Variants in SUSD1 observed in about 807,000 individuals in gnomAD.
SUSD1 encodes sushi domain containing 1.
In SUSD1, 65 loss-of-function variants were observed where a neutral mutation model predicts 86.9. The observed-to-expected ratio is 0.75, with a 90% confidence interval of 0.61 to 0.92. SUSD1 has a LOEUF of 0.92. SUSD1 is among the 40% of genes least tolerant of loss of function. The pLI, the probability that SUSD1 is intolerant of heterozygous loss-of-function variation, is 0.00. For missense variants in SUSD1, 850 were observed against 929.7 expected (o/e 0.91, Z 1.11); for synonymous variants, 346 against 350.0 (o/e 0.99, Z 0.13).
intron 10 of SUSD1, among the ~76,000 whole-genome samples, chr9:112,094,668 G>A (rs1476613429): frequency 6.6e-6 from 1 of 152,192 alleles, no homozygotes; most frequent in Non-Finnish European, 1.5e-5. Context: ...AGATTAGGAG[G>A]AATGAAACAA....
At chr9:112,149,609 C>G (rs982546291) in intron 2 of SUSD1, among the ~76,000 whole-genome samples, 4 of 152,160 alleles carry the variant, frequency 2.6e-5, no homozygotes, top group Admixed American at 1.3e-4. Context: ...TGTATGAAAC[C>G]CCAAGAGAAA....
intron 1 of SUSD1, among the ~76,000 whole-genome samples, chr9:112,163,282 A>G (rs1052505020): frequency 6.6e-6 from 1 of 151,882 alleles, no homozygotes; most frequent in Non-Finnish European, 1.5e-5. Flanking sequence ...CAGCCTCCAG[A>G]GTAGTTAGGA....
chr9:112,167,202 G>A (rs1201236060), intron 1 of SUSD1, among the ~76,000 whole-genome samples: 1 of 152,000 alleles, frequency 6.6e-6, no homozygotes, highest in East Asian at 1.9e-4. Context: ...GCTCAGGCGA[G>A]TCTCCCACCT....
At chr9:112,065,924 C>T (rs558442211) in intron 12 of SUSD1, among the ~76,000 whole-genome samples, 41 of 152,348 alleles carry the variant, frequency 2.7e-4, no homozygotes, top group Non-Finnish European at 3.8e-4. Context: ...TGTATGATAT[C>T]ACTTGAGCTA....
At chr9:112,110,317 C>G (rs1030386672) in intron 8 of SUSD1, among the ~76,000 whole-genome samples, 1 of 152,230 alleles carries the variant, frequency 6.6e-6, no homozygotes, top group African/African-American at 2.4e-5. Context: ...CCACTGCACT[C>G]CAGCCTGGGC....
At chr9:112,166,363 C>T (rs1312748651) in intron 1 of SUSD1, among the ~76,000 whole-genome samples, 1 of 152,180 alleles carries the variant, frequency 6.6e-6, no homozygotes. Flanking sequence ...CAAACCAAGA[C>T]AGCTGGTCAT....
chr9:112,100,857 GACACACACAC>G (rs5899985), intron 9 of SUSD1, among the ~76,000 whole-genome samples: 2 of 140,494 alleles, frequency 1.4e-5, no homozygotes, highest in Non-Finnish European at 3.1e-5. Flanking sequence ...ATTGTACCTG[GACACACACAC>G]ACACACACAC....
chr9:112,112,113 C>A lies in SUSD1; in HGVS notation c.985-273G>T, dbSNP rs548583609. 35 of 317,456 alleles carry A rather than the reference C, an allele frequency of 1.1e-4. No individual in the cohort carries two copies. In the South Asian group the frequency reaches 2.5e-3, roughly 23 times the overall value. The allele number at this position is 317,456 out of a possible 1,614,324, so 19.7% of individuals were successfully genotyped here. ...ACAATTGCAACCTGAGGACCATTGG[C>A]TGCACTCTGTCACCAAGTCAGCAGA... On this transcript the variant is annotated intron_variant, in intron 7 of 16. Coordinates refer to ENST00000374270, the MANE Select transcript of SUSD1 (RefSeq NM_022486.5).
intron 12 of SUSD1, among the ~76,000 whole-genome samples, chr9:112,065,928 T>C (rs1439965665): frequency 3.3e-5 from 5 of 152,246 alleles, no homozygotes; most frequent in Admixed American, 1.3e-4. Context: ...TGATATCACT[T>C]GAGCTACTAG....
chr9:112,055,976 T>C (rs191286446), intron 14 of SUSD1, among the ~76,000 whole-genome samples: 1 of 152,276 alleles, frequency 6.6e-6, no homozygotes, highest in East Asian at 1.9e-4. Flanking sequence ...AGATGGAAAG[T>C]AGGGCTGGGC....
At chr9:112,114,374 T>A (rs1324321840) in intron 6 of SUSD1, among the ~76,000 whole-genome samples, 1 of 150,690 alleles carries the variant, frequency 6.6e-6, no homozygotes, top group African/African-American at 2.4e-5. Flanking sequence ...TCCCAGCTAC[T>A]TGGGAGGCTG....
intron 14 of SUSD1, among the ~76,000 whole-genome samples, chr9:112,057,135 C>G (rs1414425082): frequency 6.6e-6 from 1 of 152,150 alleles, no homozygotes; most frequent in African/African-American, 2.4e-5. Context: ...CTCCCCTCCC[C>G]ACTCCATCCC....
chr9:112,041,605 GCAGCATGGAAGCT>G, intron 16 of SUSD1, 113 bp from the exon 17 acceptor site: 1 of 748,684 alleles, frequency 1.3e-6, no homozygotes, highest in Non-Finnish European at 2.5e-6. Context: ...GCGAGGGGGA[GCAGCATGGAAGCT>G]CAGCCACCCC....
At chr9:112,171,779 C>T (rs752889889) in intron 1 of SUSD1, among the ~76,000 whole-genome samples, 1 of 152,160 alleles carries the variant, frequency 6.6e-6, no homozygotes, top group African/African-American at 2.4e-5. Flanking sequence ...CCCCTCTCTA[C>T]TAAATAATAC....
At chr9:112,094,480 G>GA (rs1830319062) in intron 10 of SUSD1, among the ~76,000 whole-genome samples, 2 of 151,912 alleles carry the variant, frequency 1.3e-5, no homozygotes, top group Middle Eastern at 3.4e-3. Flanking sequence ...GGCTAAAGTA[G>GA]AAAAAAAGTC....
intron 8 of SUSD1, among the ~76,000 whole-genome samples, chr9:112,109,302 A>C (rs2131638401): frequency 6.6e-6 from 1 of 152,374 alleles, no homozygotes; most frequent in East Asian, 1.9e-4. Context: ...AGGGAAAAAC[A>C]ATGGAAAACT....
chr9:112,098,924 T>C (rs891170372), intron 9 of SUSD1, among the ~76,000 whole-genome samples: 1 of 152,172 alleles, frequency 6.6e-6, no homozygotes, highest in Admixed American at 6.6e-5. Context: ...TATTCCAAAA[T>C]AATCCCTTGA....
At chr9:112,173,692 C>T in intron 1 of SUSD1, 1 of 430,274 alleles carries the variant, frequency 2.3e-6, no homozygotes, top group Non-Finnish European at 4.5e-6. Context: ...TTGAGGTGGG[C>T]AACGTAGGCA....
Position 112,041,857 on chromosome 9 carries a change from C to T in SUSD1, c.2243+10G>A. 1 of 1,612,014 alleles carries T rather than the reference C, an allele frequency of 6.2e-7. No homozygotes were observed. The highest frequency in any genetic ancestry group is 8.5e-7 in the Non-Finnish European group (1 of 1,178,928). On this transcript the variant is annotated intron_variant, in intron 16 of 16. Transcript: ENST00000374270. ...TCCAGTCATTTCTCAAAAATGACAC[C>T]CTCACATACCACACCGCTGAGAAGG...
Sources: allele counts gnomAD v4.1 joint callset (sites outside exome capture counted in the v4.1 genomes callset), GRCh38; gene constraint gnomAD v4.1.1; transcripts MANE v1.5; gene names NCBI Gene and HGNC (gene_info 2026-07-23, HGNC 2026-07-21).